Variants in STIMATE observed in about 807,000 individuals in gnomAD.
The protein encoded by STIMATE is STIM activating enhancer, also known as store-operated calcium entry regulator STIMATE.
A neutral mutation model predicts 36.7 loss-of-function variants in STIMATE; 15 were observed. The ratio of observed to expected loss-of-function variants is 0.41; its 90% CI spans 0.27 to 0.63. The LOEUF (loss-of-function observed/expected upper bound fraction) is 0.63, where lower values mean the gene tolerates loss of function less well. Among genes scored for constraint, STIMATE ranks in the 20% least tolerant of loss-of-function variants. The pLI, the probability that STIMATE is intolerant of heterozygous loss-of-function variation, is 0.32. For synonymous variants in STIMATE, 163 were observed against 162.3 expected (o/e 1.00, Z -0.03); for missense variants, 305 against 397.3 (o/e 0.77, Z 1.98).
At chr3:52,887,338 C>T (rs1441555723) in intron 1 of STIMATE, among the ~76,000 whole-genome samples, 3 of 152,244 alleles carry the variant, frequency 2.0e-5, no homozygotes, top group Non-Finnish European at 4.4e-5. Flanking sequence ...GCCATAGCAT[C>T]TTCAGGTGGC....
At chr3:52,878,885 C>A (rs905536740) in intron 1 of STIMATE, among the ~76,000 whole-genome samples, 5 of 152,140 alleles carry the variant, frequency 3.3e-5, no homozygotes, top group Non-Finnish European at 5.9e-5. Context: ...CTGCCAATAG[C>A]ATGGCAGATG....
intron 1 of STIMATE, among the ~76,000 whole-genome samples, chr3:52,857,458 G>C (rs1219366316): frequency 6.6e-6 from 1 of 152,144 alleles, no homozygotes; most frequent in Non-Finnish European, 1.5e-5. Context: ...GGACAAAACT[G>C]TTTGGAGGGA....
At chr3:52,845,521 G>A (rs1185640599) in intron 4 of STIMATE, among the ~76,000 whole-genome samples, 1 of 152,148 alleles carries the variant, frequency 6.6e-6, no homozygotes, top group Non-Finnish European at 1.5e-5. Flanking sequence ...GTCCAGCATG[G>A]GTCACCCCAA....
intron 4 of STIMATE, among the ~76,000 whole-genome samples, chr3:52,845,891 C>T (rs549426631): frequency 7.2e-6 from 1 of 139,398 alleles, no homozygotes; most frequent in African/African-American, 2.7e-5. Context: ...AGCTGCCTTA[C>T]CACAGCTGGC....
chr3:52,846,979 T>C (rs2001734), intron 4 of STIMATE, among the ~76,000 whole-genome samples: 135,288 of 152,016 alleles, frequency 0.89, 62,101 homozygotes, highest in Non-Finnish European at 1. Context: ...ACACGGCTTA[T>C]TGTATCCTCA....
At chr3:52,845,402 G>T (rs1347424857) in intron 4 of STIMATE, among the ~76,000 whole-genome samples, 1 of 151,776 alleles carries the variant, frequency 6.6e-6, no homozygotes, top group African/African-American at 2.4e-5. Context: ...CGCTTTGTTT[G>T]TCTCCCACCT....
At chr3:52,847,425 GA>G in intron 4 of STIMATE, 1 of 1,284,906 alleles carries the variant, frequency 7.8e-7, no homozygotes, top group Non-Finnish European at 1.0e-6. Flanking sequence ...TTCCACATGG[GA>G]AAGAGTGGCC....
intron 7 of STIMATE, among the ~76,000 whole-genome samples, chr3:52,841,196 T>A (rs1700792229): frequency 6.6e-6 from 1 of 152,118 alleles, no homozygotes; most frequent in African/African-American, 2.4e-5. Flanking sequence ...CCGACCTCCA[T>A]CAGGACAAAC....
intron 1 of STIMATE, among the ~76,000 whole-genome samples, chr3:52,879,710 C>G (rs897942197): frequency 1.3e-5 from 2 of 152,244 alleles, no homozygotes; most frequent in Non-Finnish European, 2.9e-5. Flanking sequence ...GCTGGAAAAA[C>G]CACCATCACA....
chr3:52,874,291 T>C (rs1228318115), intron 1 of STIMATE, among the ~76,000 whole-genome samples: 1 of 152,184 alleles, frequency 6.6e-6, no homozygotes, highest in Non-Finnish European at 1.5e-5. Flanking sequence ...AAAAGTGAGG[T>C]AGATCTATCT....
intron 2 of STIMATE, among the ~76,000 whole-genome samples, chr3:52,852,995 G>C (rs1324716363): frequency 6.6e-6 from 1 of 152,150 alleles, no homozygotes; most frequent in African/African-American, 2.4e-5. Context: ...TGAAGCCCAA[G>C]GTGCCTCTAT....
intron 3 of STIMATE, among the ~76,000 whole-genome samples, chr3:52,850,771 C>T (rs1470804555): frequency 6.6e-6 from 1 of 152,210 alleles, no homozygotes; most frequent in Non-Finnish European, 1.5e-5. Context: ...CCCTCTATTG[C>T]CCATGCTGGA....
Position 52,838,370 on chromosome 3 carries a change from A to G in STIMATE, c.*2124T>C. 1 of 152,284 alleles carries G rather than the reference A, an allele frequency of 6.6e-6. No homozygotes were observed. The highest frequency in any genetic ancestry group is 1.9e-4 in the East Asian group (1 of 5,196). 9.4% of individuals were successfully genotyped at this position (152,284 alleles called of 1,614,324 possible). ...GAAGCTCCAATTGTGAGCTCCAGGA[A>G]GGTGGAAGAAACAGCTGCAGGCACA... On this transcript the variant is annotated 3_prime_UTR_variant, in exon 8 of 8. Coordinates refer to ENST00000355083, the MANE Select transcript of STIMATE (RefSeq NM_198563.5).
At chr3:52,871,247 C>T (rs1701400311) in intron 1 of STIMATE, among the ~76,000 whole-genome samples, 1 of 152,154 alleles carries the variant, frequency 6.6e-6, no homozygotes, top group Non-Finnish European at 1.5e-5. Context: ...TCAAGGATCA[C>T]ACCATGTGGA....
chr3:52,844,971 T>C (rs1174682491), intron 4 of STIMATE, 30 bp from the exon 5 acceptor site: 2 of 1,609,782 alleles, frequency 1.2e-6, no homozygotes, highest in East Asian at 2.2e-5. Flanking sequence ...CTTAGTCACA[T>C]GGGGCCCAGG....
chr3:52,882,890 CAG>C (rs913294104), intron 1 of STIMATE, among the ~76,000 whole-genome samples: 1 of 152,164 alleles, frequency 6.6e-6, no homozygotes, highest in Non-Finnish European at 1.5e-5. Context: ...GCATCATAAA[CAG>C]GGGACGCCGA....
chr3:52,846,636 G>A (rs750993484), intron 4 of STIMATE: 21 of 152,170 alleles, frequency 1.4e-4, no homozygotes, highest in Non-Finnish European at 2.8e-4. Context: ...CTAGGTTTCT[G>A]CTACACAACT....
intron 1 of STIMATE, among the ~76,000 whole-genome samples, chr3:52,888,000 T>TTTTTTTTTG (rs1701720098): frequency 9.5e-6 from 1 of 104,752 alleles, no homozygotes; most frequent in Non-Finnish European, 2.1e-5. Flanking sequence ...ATCAGTTTTT[T>TTTTTTTTTG]TTTTTTTTTT....
At chr3:52,852,422 T>C (rs888224450) in intron 3 of STIMATE, among the ~76,000 whole-genome samples, 181 bp downstream of exon 3, 2 of 152,188 alleles carry the variant, frequency 1.3e-5, no homozygotes, top group Admixed American at 1.3e-4. Flanking sequence ...AGCCAACTGA[T>C]AGCTGTGTAA....
Sources: gnomAD v4.1 joint callset for allele counts (sites outside exome capture counted in the v4.1 genomes callset) on GRCh38, gnomAD v4.1.1 for gene constraint, MANE v1.5 for transcripts, NCBI Gene and HGNC (gene_info 2026-07-23, HGNC 2026-07-21) for gene names.